MAPRE3: variants seen among roughly 807,000 people sequenced by gnomAD.
MAPRE3 encodes microtubule-associated protein RP/EB family member 3.
Under a neutral mutation model 30.5 loss-of-function variants are expected in MAPRE3, and 2 were observed. That is an observed-to-expected ratio of 0.07 (90% CI 0.03 to 0.21). MAPRE3 has a LOEUF of 0.21. Among genes scored for constraint, MAPRE3 ranks in the 10% least tolerant of loss-of-function variants. The pLI, the probability that MAPRE3 is intolerant of heterozygous loss-of-function variation, is 1.00. For missense variants in MAPRE3, 204 were observed against 351.8 expected (o/e 0.58, Z 3.36); for synonymous variants, 110 against 127.7 (o/e 0.86, Z 0.93).
At chr2:26,982,691 TA>T (rs1214390016) in intron 1 of MAPRE3, among the ~76,000 whole-genome samples, 1 of 152,218 alleles carries the variant, frequency 6.6e-6, no homozygotes, top group African/African-American at 2.4e-5. Context: ...GGCCTATAAT[TA>T]GGTAGAATGA....
intron 1 of MAPRE3, among the ~76,000 whole-genome samples, chr2:27,002,367 C>A (rs1002752373): frequency 4.0e-4 from 60 of 151,598 alleles, no homozygotes; most frequent in African/African-American, 1.4e-3. Context: ...GTATAAAATT[C>A]CTAGAAGTGG....
chr2:27,020,831 T>C (rs1471942109), intron 1 of MAPRE3, among the ~76,000 whole-genome samples: 1 of 152,280 alleles, frequency 6.6e-6, no homozygotes, highest in South Asian at 2.1e-4. Flanking sequence ...TACAGCAATG[T>C]CAAGGATGGA....
chr2:27,026,495 G>A lies in MAPRE3; in HGVS notation c.*147G>A. ...GGGGAGCCAGGCGAGGGGGGCTTGGGGGCATGGGGCCGGAAAGCAGGCAGA... is the reference window on the plus strand; with the variant it reads ...GGGGAGCCAGGCGAGGGGGGCTTGGAGGCATGGGGCCGGAAAGCAGGCAGA... On this transcript the variant is annotated 3_prime_UTR_variant, in exon 7 of 7. Coordinates refer to ENST00000233121, the MANE Select transcript of MAPRE3 (RefSeq NM_012326.4). 1 of 668,346 alleles carries A rather than the reference G, an allele frequency of 1.5e-6. No homozygotes were observed. Among genetic ancestry groups the A allele is most frequent in the East Asian group, 2.9e-5 (1 of 34,072 alleles). The allele number at this position is 668,346 out of a possible 1,614,324, so 41.4% of individuals were successfully genotyped here. A position where few individuals can be genotyped will look rare whatever the true frequency, so the allele number is the denominator to read the frequency against.
chr2:26,995,780 GGTGTGTGTGTGTGTGTGTGTGT>G (rs1276648645), intron 1 of MAPRE3, among the ~76,000 whole-genome samples: 1 of 109,638 alleles, frequency 9.1e-6, no homozygotes, highest in Non-Finnish European at 1.8e-5. Context: ...TTCTAAGAGA[GGTGTGTGTGTGTGTGTGTGTGT>G]GTGTGTGTGT....
chr2:26,983,700 T>C (rs1666162753), intron 1 of MAPRE3, among the ~76,000 whole-genome samples: 1 of 152,218 alleles, frequency 6.6e-6, no homozygotes, highest in African/African-American at 2.4e-5. Context: ...AGATGACCTC[T>C]TTGGGAGGCA....
chr2:27,000,661 CCAG>C (rs1352330596), intron 1 of MAPRE3, among the ~76,000 whole-genome samples: 2 of 152,228 alleles, frequency 1.3e-5, no homozygotes, highest in Admixed American at 1.3e-4. Flanking sequence ...AGGCCCATGA[CCAG>C]GAGAAGGAGC....
chr2:26,995,807 GTGTGTGTGTGTGTGTGTGTGTGTA>G (rs1270970421), intron 1 of MAPRE3, among the ~76,000 whole-genome samples: 3 of 149,692 alleles, frequency 2.0e-5, no homozygotes, highest in African/African-American at 7.4e-5. Flanking sequence ...GTGTGTGTGT[GTGTGTGTGTGTGTGTGTGTGTGTA>G]TGTGTGTGTG....
intron 1 of MAPRE3, among the ~76,000 whole-genome samples, chr2:26,991,170 T>C (rs1018228756): frequency 1.3e-5 from 2 of 151,940 alleles, no homozygotes; most frequent in Non-Finnish European, 2.9e-5. Flanking sequence ...AGGAGAATGG[T>C]GTGAACCGGG....
At chr2:26,988,409 TG>T (rs1426617937) in intron 1 of MAPRE3, among the ~76,000 whole-genome samples, 1 of 152,234 alleles carries the variant, frequency 6.6e-6, no homozygotes, top group African/African-American at 2.4e-5. Flanking sequence ...GTTAGCTAAG[TG>T]GTCATTAATA....
At chr2:27,018,895 T>TTTTA (rs143408252) in intron 1 of MAPRE3, among the ~76,000 whole-genome samples, 68,839 of 146,630 alleles carry the variant, frequency 0.47, 18,313 homozygotes, top group East Asian at 0.7. Flanking sequence ...GCACACACAT[T>TTTTA]TTTATTTATT....
At chr2:27,003,609 C>T (rs184535545) in intron 1 of MAPRE3, among the ~76,000 whole-genome samples, 18 of 152,282 alleles carry the variant, frequency 1.2e-4, no homozygotes, top group African/African-American at 3.1e-4. Context: ...CATCTGTTAT[C>T]GATCCAGCTA....
intron 1 of MAPRE3, among the ~76,000 whole-genome samples, chr2:27,017,218 A>G (rs1403583456): frequency 6.6e-6 from 1 of 152,200 alleles, no homozygotes; most frequent in Non-Finnish European, 1.5e-5. Flanking sequence ...GGTGCCCTGG[A>G]TGAGTCCTCC....
At chr2:27,012,217 A>AAAAG (rs1553330017) in intron 1 of MAPRE3, 3,004 of 145,880 alleles carry the variant, frequency 0.021, 32 homozygotes, top group Middle Eastern at 0.038. Context: ...AAAAAAAAAA[A>AAAAG]AAGAAGAAGA....
chr2:26,991,982 C>A (rs1397626190), intron 1 of MAPRE3, among the ~76,000 whole-genome samples: 1 of 152,160 alleles, frequency 6.6e-6, no homozygotes, highest in Non-Finnish European at 1.5e-5. Context: ...CACCACCACA[C>A]ACTCATATAC....
intron 1 of MAPRE3, among the ~76,000 whole-genome samples, chr2:26,979,980 C>T (rs1666081729): frequency 6.6e-6 from 1 of 152,096 alleles, no homozygotes; most frequent in Non-Finnish European, 1.5e-5. Flanking sequence ...TGGGAGTCAG[C>T]AGCACAGAGG....
chr2:26,983,460 C>T (rs1189230848), intron 1 of MAPRE3, among the ~76,000 whole-genome samples: 12 of 152,188 alleles, frequency 7.9e-5, no homozygotes, highest in Admixed American at 7.9e-4. Flanking sequence ...AGGCACTGCT[C>T]TGGCCTCGTG....
chr2:27,017,553 T>C (rs1667016592), intron 1 of MAPRE3, among the ~76,000 whole-genome samples: 1 of 152,204 alleles, frequency 6.6e-6, no homozygotes, highest in African/African-American at 2.4e-5. Flanking sequence ...TGGCTCTTAG[T>C]GACTCTTGGG....
At chr2:27,020,782 G>C (rs1180686347) in intron 1 of MAPRE3, among the ~76,000 whole-genome samples, 1 of 152,200 alleles carries the variant, frequency 6.6e-6, no homozygotes, top group African/African-American at 2.4e-5. Context: ...TGAAGTGGGG[G>C]AGGGCGGTGG....
Position 27,024,376 on chromosome 2 carries a change from A to ACGGCC in MAPRE3, c.469+86_469+90dup, listed in dbSNP as rs1003346478. The ACGGCC allele has an allele frequency of 3.0e-6, 4 of 1,336,978 alleles. No individual in the cohort carries two copies. The South Asian group carries it at 4.1e-5, about 14-fold the overall frequency. The allele number at this position is 1,336,978 out of a possible 1,614,324, so 82.8% of individuals were successfully genotyped here. On this transcript the variant is annotated intron_variant, in intron 4 of 6. Transcript: ENST00000233121. ...TATAGCCAGGAGTGCCCCCTGGGCC[A>ACGGCC]CGGCCCGGCCCTGCCAGCCTGGAGG...
Sources: gnomAD v4.1 joint callset for allele counts (sites outside exome capture counted in the v4.1 genomes callset) on GRCh38, gnomAD v4.1.1 for gene constraint, MANE v1.5 for transcripts, NCBI Gene and HGNC (gene_info 2026-07-23, HGNC 2026-07-21) for gene names.